PALM: variants seen among roughly 807,000 people sequenced by gnomAD.
PALM encodes the protein paralemmin-1.
PALM carries 18 observed loss-of-function variants against 30.7 expected under a neutral mutation model. The ratio of observed to expected loss-of-function variants is 0.59; its 90% confidence interval spans 0.41 to 0.87. The LOEUF is 0.87. PALM is among the 40% of genes least tolerant of loss of function. The pLI, the probability that PALM is intolerant of heterozygous loss-of-function variation, is 0.00. For missense variants in PALM, 529 were observed against 555.4 expected, an observed-to-expected ratio of 0.95 and a Z score of 0.48; for synonymous variants, 286 against 242.8, an observed-to-expected ratio of 1.18 and a Z score of -1.66.
rs570647425 is a variant in PALM at position 746,077 on chromosome 19, C to T, written c.635-208C>T. Among the ~76,000 whole-genome samples, 29 of 152,294 alleles carry T rather than the reference C, an allele frequency of 1.9e-4. No homozygotes were observed. The South Asian group carries it at 6.0e-3, about 32-fold the overall frequency. ...CGTCTCAAAAAAAATTTTTTTTCCT[C>T]ATTGTACGGCATTGGCTGCATCCAC... On this transcript the variant is annotated intron_variant, in intron 8 of 8. Transcript: ENST00000338448. This position sits in a 1 kb window ranked among gnomAD's most constrained non-coding sequence, Gnocchi z 7.1.
chr19:712,969 C>A (rs2032133780), intron 1 of PALM, among the ~76,000 whole-genome samples: 1 of 152,218 alleles, frequency 6.6e-6, no homozygotes. Context: ...AGGCACCGTG[C>A]ACGGCCCACT....
intron 1 of PALM, chr19:711,092 AG>A: frequency 1.7e-6 from 1 of 605,714 alleles, no homozygotes; most frequent in Non-Finnish European, 2.1e-6. Flanking sequence ...AATGAATTTA[AG>A]AATTTAAAGA....
chr19:726,277 C>A, intron 2 of PALM, 88 bp downstream of exon 2: 2 of 1,083,264 alleles, frequency 1.8e-6, no homozygotes, highest in Non-Finnish European at 1.4e-6. Flanking sequence ...GTCCTAGGAC[C>A]TGGAACCAGG....
chr19:728,972 C>T (rs2032781338), intron 4 of PALM, among the ~76,000 whole-genome samples: 2 of 151,796 alleles, frequency 1.3e-5, no homozygotes, highest in African/African-American at 4.8e-5. Flanking sequence ...CCGCTGCACT[C>T]TGGCCTGGGC....
chr19:710,328 G>C (rs1304567050), intron 1 of PALM, among the ~76,000 whole-genome samples: 1 of 152,160 alleles, frequency 6.6e-6, no homozygotes, highest in East Asian at 1.9e-4. Context: ...CCAGACAAAG[G>C]CCTGACCCCT....
chr19:727,604 C>A lies in PALM; in HGVS notation c.179C>A (p.Pro60Gln). 1 of 1,582,988 alleles carries A rather than the reference C, an allele frequency of 6.3e-7. No individual in the cohort carries two copies. The highest frequency in any genetic ancestry group is 8.6e-7 in the Non-Finnish European group (1 of 1,165,366). The change falls in exon 4 of 9, where the codon CCG becomes CAG. Residue 60 changes from proline to glutamine, a missense_variant. By Grantham distance (76) the Pro-to-Gln change is moderately conservative. Transcript: ENST00000338448. ...LRERWLLEGT[P>Q]SSASEGDEDL... Reference sequence around the variant, plus strand: ...GAGCGCTGGCTGCTGGAGGGGACGCCGTCCTCGGCCTCAGAGGGGGATGAG... The same window carrying A: ...GAGCGCTGGCTGCTGGAGGGGACGCAGTCCTCGGCCTCAGAGGGGGATGAG...
At chr19:710,218 G>T (rs2032026757) in intron 1 of PALM, among the ~76,000 whole-genome samples, 1 of 152,198 alleles carries the variant, frequency 6.6e-6, no homozygotes, top group South Asian at 2.1e-4. Context: ...TTTCCCCGGG[G>T]ATTCACCCGT....
Position 746,022 on chromosome 19 carries a change from C to T in PALM, c.635-263C>T, listed in dbSNP as rs2033327250. On this transcript the variant is annotated intron_variant, in intron 8 of 8. Coordinates refer to ENST00000338448, the MANE Select transcript of PALM (RefSeq NM_002579.3). This position sits in a 1 kb window ranked among gnomAD's most constrained non-coding sequence, Gnocchi z 7.1. ...GCAGTGAGCTGAGATCACGCCATTGCACTCCAGCCTGGGCGACAGAGTGAG... is the reference window on the plus strand; with the variant it reads ...GCAGTGAGCTGAGATCACGCCATTGTACTCCAGCCTGGGCGACAGAGTGAG... 6.6e-6 allele frequency among the ~76,000 whole-genome samples: 1 copy of T among 152,242 alleles called. No homozygotes were observed. Among genetic ancestry groups the T allele is most frequent in the Admixed American group, 6.5e-5 (1 of 15,280 alleles).
chr19:723,550 C>G (rs955258833), intron 1 of PALM, among the ~76,000 whole-genome samples: 2 of 152,106 alleles, frequency 1.3e-5, no homozygotes, highest in Non-Finnish European at 2.9e-5. Flanking sequence ...AAGCTCAGCC[C>G]CAGTCTAGGG....
At chr19:710,767 A>T (rs1025424145) in intron 1 of PALM, among the ~76,000 whole-genome samples, 2 of 150,326 alleles carry the variant, frequency 1.3e-5, no homozygotes, top group South Asian at 4.2e-4. Context: ...CAGGTCCCCC[A>T]TTGGGTCATC....
intron 8 of PALM, among the ~76,000 whole-genome samples, chr19:743,381 C>A (rs953543111): frequency 5.3e-5 from 8 of 152,188 alleles, no homozygotes; most frequent in African/African-American, 1.9e-4. Context: ...TGCTTAGCAA[C>A]GGGCAGGTGA....
At chr19:734,885 C>T (rs1229610766) in intron 6 of PALM, 2 of 173,094 alleles carry the variant, frequency 1.2e-5, no homozygotes, top group Non-Finnish European at 2.3e-5. Context: ...GGGACAGCCA[C>T]CAGCCGGGAT....
chr19:725,770 A>C (rs2032640171), intron 1 of PALM, among the ~76,000 whole-genome samples: 1 of 151,814 alleles, frequency 6.6e-6, no homozygotes, highest in Admixed American at 6.6e-5. Flanking sequence ...GGGTGCAGAG[A>C]GGACTGTCCT....
chr19:724,512 G>A (rs557902531), intron 1 of PALM, among the ~76,000 whole-genome samples: 218 of 152,132 alleles, frequency 1.4e-3, no homozygotes, highest in African/African-American at 4.9e-3. Context: ...TAGAGACGGG[G>A]GTTTCACCAT....
rs534971415 is a variant in PALM at position 721,858 on chromosome 19, A to T, written c.6-4280A>T. On this transcript the variant is annotated intron_variant, in intron 1 of 8. Transcript: ENST00000338448. ...GGTGATCCACCCGCCTTGGCCTCCC[A>T]AAGTGCTGGGATTCCAGGCGTGAGC... is the stretch of plus-strand genomic sequence containing the variant. Among the ~76,000 whole-genome samples the T allele has an allele frequency of 2.9e-5, 4 of 136,660 alleles. No individual in the cohort carries two copies. The South Asian group carries it at 1.2e-3, about 42-fold the overall frequency. The allele number at this position is 136,660 out of a possible 152,430, so 89.7% of individuals were successfully genotyped here. A position where few individuals can be genotyped will look rare whatever the true frequency, so the allele number is the denominator to read the frequency against.
At chr19:738,582 G>T (rs541688010) in intron 7 of PALM, among the ~76,000 whole-genome samples, 30 of 152,250 alleles carry the variant, frequency 2.0e-4, no homozygotes, top group African/African-American at 7.2e-4. Context: ...GAGCCAGGGT[G>T]GGGGCAGGTG....
At chr19:740,183 G>C (rs2033144187) in intron 7 of PALM, among the ~76,000 whole-genome samples, 169 bp from the exon 8 acceptor site, 1 of 152,234 alleles carries the variant, frequency 6.6e-6, no homozygotes, top group Admixed American at 6.5e-5. Context: ...GAGGGATGTA[G>C]AGTTGGGGAG....
chr19:721,915 A>AT (rs1171907807), intron 1 of PALM, among the ~76,000 whole-genome samples: 1 of 145,642 alleles, frequency 6.9e-6, no homozygotes, highest in Non-Finnish European at 1.5e-5. Context: ...AAAAATTTTC[A>AT]TTTTTTTAAT....
intron 8 of PALM, among the ~76,000 whole-genome samples, chr19:743,123 T>C (rs986364757): frequency 2.6e-5 from 4 of 152,156 alleles, no homozygotes. Context: ...CCCAAAGCCT[T>C]CTGTTCTCAG....
Sources: gnomAD v4.1 joint callset for allele counts (sites outside exome capture counted in the v4.1 genomes callset) on GRCh38, gnomAD v4.1.1 for gene constraint, Gnocchi (gnomAD v3.1) non-coding constraint, MANE v1.5 for transcripts, NCBI Gene and HGNC (gene_info 2026-07-23, HGNC 2026-07-21) for gene names.